The following ZFHX3 variants were observed in gnomAD, a reference collection of about 807,000 sequenced individuals.
The protein encoded by ZFHX3 is zinc finger homeobox protein 3.
Under a neutral mutation model 279.1 loss-of-function variants are expected in ZFHX3, and 42 were observed. The observed-to-expected ratio is 0.15, with a 90% confidence interval of 0.12 to 0.19. ZFHX3 has a LOEUF of 0.19. Ranked by LOEUF, ZFHX3 falls within the 10% of genes least tolerant of loss-of-function variation. ZFHX3 has a pLI of 1.00. For missense variants in ZFHX3, 4,981 were observed against 4,754.0 expected, an observed-to-expected ratio of 1.05 and a Z score of -1.40; for synonymous variants, 2,293 against 1,957.8, an observed-to-expected ratio of 1.17 and a Z score of -4.52.
intron 1 of ZFHX3, among the ~76,000 whole-genome samples, chr16:73,018,162 AT>A (rs1223903002): frequency 8.2e-5 from 12 of 147,128 alleles, no homozygotes; most frequent in African/African-American, 1.0e-4. Flanking sequence ...ATTTTGCTTG[AT>A]TTTTTTTTTA....
chr16:72,884,588 G>A (rs369699875), intron 4 of ZFHX3, among the ~76,000 whole-genome samples: 38 of 152,220 alleles, frequency 2.5e-4, no homozygotes, highest in African/African-American at 8.4e-4. Flanking sequence ...ATGTCTACAT[G>A]AAAGAAAAAG....
At chr16:73,730,352 C>CAAA (rs66477968) in intron 1 of ZFHX3, among the ~76,000 whole-genome samples, 26 of 81,124 alleles carry the variant, frequency 3.2e-4, no homozygotes, top group African/African-American at 1.1e-3. Context: ...CCTCCCCTCG[C>CAAA]AAAAAAAAAA....
chr16:73,426,835 C>G (rs867214570), intron 3 of ZFHX3, among the ~76,000 whole-genome samples: 4 of 152,224 alleles, frequency 2.6e-5, no homozygotes, highest in African/African-American at 7.2e-5. Context: ...CCAGAATCTG[C>G]TGTAAGCAAA....
intron 4 of ZFHX3, among the ~76,000 whole-genome samples, chr16:73,288,777 T>C (rs939831597): frequency 2.6e-5 from 4 of 151,974 alleles, no homozygotes; most frequent in Non-Finnish European, 5.9e-5. Flanking sequence ...GCACATGCAG[T>C]GCGTATATCT....
chr16:73,102,836 A>C (rs1873206891), intron 7 of ZFHX3, among the ~76,000 whole-genome samples: 1 of 152,232 alleles, frequency 6.6e-6, no homozygotes, highest in Non-Finnish European at 1.5e-5. Context: ...AAGAGAAAAC[A>C]AACGTAAGTA....
At chr16:73,822,165 T>C (rs1960762829) in intron 1 of ZFHX3, among the ~76,000 whole-genome samples, 1 of 152,154 alleles carries the variant, frequency 6.6e-6, no homozygotes, top group Non-Finnish European at 1.5e-5. Context: ...CCAGGTGAGA[T>C]TTTTCCTTCC....
chr16:73,558,635 A>C (rs2020322322), intron 2 of ZFHX3: 1 of 152,082 alleles, frequency 6.6e-6, no homozygotes, highest in African/African-American at 2.4e-5. Flanking sequence ...GGCGAAACCT[A>C]AACCTCCAAG....
intron 1 of ZFHX3, among the ~76,000 whole-genome samples, chr16:73,776,528 T>C (rs970874670): frequency 2.0e-5 from 3 of 152,020 alleles, no homozygotes; most frequent in African/African-American, 4.8e-5. Flanking sequence ...AAAATAATAA[T>C]AGTAAAAATA....
chr16:73,477,872 C>T (rs757729876), intron 2 of ZFHX3, among the ~76,000 whole-genome samples: 1 of 152,220 alleles, frequency 6.6e-6, no homozygotes, highest in African/African-American at 2.4e-5. Context: ...GCATCTCACA[C>T]ACAGCTATAT....
At chr16:73,055,847 TACACACAC>T (rs10672414) in intron 1 of ZFHX3, among the ~76,000 whole-genome samples, 6 of 138,628 alleles carry the variant, frequency 4.3e-5, no homozygotes, top group African/African-American at 1.1e-4. Flanking sequence ...CCTACAACTC[TACACACAC>T]ACACACACAC....
rs113014562 is a variant in ZFHX3, at chr16:73,313,235, A to T, written c.-1194+5005T>A. On this transcript the variant is annotated intron_variant, in intron 4 of 17. Transcript: ENST00000641206. ...GACTGTAAGTTTCCTGAGGCCTCCT[A>T]ACCATGCTTCCTGTGTAGCCTGTGG... Among the ~76,000 whole-genome samples the T allele has an allele frequency of 2.1e-3, 313 of 152,284 alleles. 2 individuals carry two copies. Among genetic ancestry groups the T allele is most frequent in the African/African-American group, 6.9e-3 (288 of 41,544 alleles).
At chr16:73,070,639 G>A (rs1158070140) in intron 8 of ZFHX3, among the ~76,000 whole-genome samples, 2 of 151,902 alleles carry the variant, frequency 1.3e-5, no homozygotes, top group Non-Finnish European at 2.9e-5. Context: ...CTGCCTTTAT[G>A]GAGTCTATTT....
intron 3 of ZFHX3, among the ~76,000 whole-genome samples, chr16:73,347,317 G>T (rs1466844746): frequency 1.3e-5 from 2 of 152,194 alleles, no homozygotes; most frequent in Non-Finnish European, 2.9e-5. Flanking sequence ...ATTGCTGTCT[G>T]CTCTCCAGGC....
At chr16:73,008,550 T>C (rs77326769) in intron 1 of ZFHX3, among the ~76,000 whole-genome samples, 2 of 152,174 alleles carry the variant, frequency 1.3e-5, no homozygotes, top group East Asian at 3.8e-4. Context: ...ATAACCACCA[T>C]TGGTCCTGGG....
At chr16:73,407,069 G>C (rs2017374807) in intron 3 of ZFHX3, among the ~76,000 whole-genome samples, 1 of 152,134 alleles carries the variant, frequency 6.6e-6, no homozygotes, top group Non-Finnish European at 1.5e-5. Context: ...GGCGTATTTG[G>C]CAATGTTTAC....
At chr16:73,653,611 T>G (rs2052692709) in intron 2 of ZFHX3, among the ~76,000 whole-genome samples, 1 of 152,062 alleles carries the variant, frequency 6.6e-6, no homozygotes, top group Non-Finnish European at 1.5e-5. Flanking sequence ...TAGTGAAAAT[T>G]CGGAAAAGTT....
intron 2 of ZFHX3, among the ~76,000 whole-genome samples, chr16:73,490,016 C>T (rs2019032933): frequency 1.3e-5 from 2 of 152,206 alleles, no homozygotes; most frequent in Non-Finnish European, 2.9e-5. Context: ...ATGAGATGTG[C>T]CATTTATATA....
chr16:73,333,679 G>A (rs1312201517), intron 3 of ZFHX3, among the ~76,000 whole-genome samples: 3 of 152,014 alleles, frequency 2.0e-5, no homozygotes, highest in Non-Finnish European at 4.4e-5. Context: ...TCTATACTAG[G>A]CATAACCAGC....
chr16:72,899,556 T>C (rs1359230619), intron 3 of ZFHX3, among the ~76,000 whole-genome samples: 2 of 152,228 alleles, frequency 1.3e-5, no homozygotes, highest in Admixed American at 6.5e-5. Context: ...CACCGCCATA[T>C]ACACATTACT....
Sources: allele counts gnomAD v4.1 joint callset (sites outside exome capture counted in the v4.1 genomes callset), GRCh38; gene constraint gnomAD v4.1.1; transcripts MANE v1.5; gene names NCBI Gene and HGNC (gene_info 2026-07-23, HGNC 2026-07-21).